The following PARD3 variants were observed in gnomAD, a reference collection of about 807,000 sequenced individuals.
PARD3 encodes the protein par-3 family cell polarity regulator, also known as partitioning defective 3 homolog.
PARD3 carries 75 observed loss-of-function variants against 155.4 expected under a neutral mutation model. The ratio of observed to expected loss-of-function variants is 0.48; its 90% CI spans 0.40 to 0.58. PARD3 has a LOEUF of 0.58. Ranked by LOEUF, PARD3 falls within the 20% of genes least tolerant of loss-of-function variation. The pLI is 0.00. For synonymous variants in PARD3, 576 were observed against 610.5 expected (o/e 0.94, Z 0.83); for missense variants, 1,642 against 1,721.7 (o/e 0.95, Z 0.82).
chr10:34,773,668 T>C (rs987076626), intron 1 of PARD3, among the ~76,000 whole-genome samples: 3 of 152,198 alleles, frequency 2.0e-5, no homozygotes, highest in Non-Finnish European at 4.4e-5. Context: ...GGATATAGGA[T>C]AATATTTTAA....
chr10:34,465,404 C>T (rs139605726), intron 4 of PARD3, among the ~76,000 whole-genome samples: 274 of 152,234 alleles, frequency 1.8e-3, no homozygotes, highest in African/African-American at 6.3e-3. Context: ...AAACATCTCA[C>T]CCTTCTAATA....
intron 20 of PARD3, among the ~76,000 whole-genome samples, chr10:34,287,049 G>A (rs184773524): frequency 2.0e-5 from 3 of 152,176 alleles, no homozygotes; most frequent in Admixed American, 6.5e-5. Flanking sequence ...AAAAGGTTTG[G>A]AGGACTTGGG....
chr10:34,331,344 C>G lies in PARD3; in HGVS notation c.2606G>C (p.Gly869Ala). Residue 869 changes from glycine (G) to alanine (A), a missense_variant and splice_region_variant, in exon 19 of 25, where the codon GGT (glycine) becomes GCT (alanine). Around this residue, in one of 3 missense-constraint regions of PARD3, gnomAD observed 1,529 missense variants for 1,587.3 expected, o/e 0.96. Transcript: ENST00000374788. The part of the protein sequence containing the change: ...KLNTVDDQKA[G>A]SPSRDVGPSL... ...AGGACCCACATCTCTGCTGGGAGAA[C>G]CTGGGAGGTTTACAAGAAAAAAAAT... The G allele has an allele frequency of 6.2e-7, 1 of 1,606,428 alleles. No homozygotes were observed. The highest frequency in any genetic ancestry group is 8.5e-7 in the Non-Finnish European group (1 of 1,173,572).
intron 2 of PARD3, among the ~76,000 whole-genome samples, chr10:34,552,490 C>T (rs189147303): frequency 0.013 from 1,951 of 152,272 alleles, 50 homozygotes; most frequent in African/African-American, 0.044. Flanking sequence ...GGTGGATCAC[C>T]TGAGGTCAGG....
intron 2 of PARD3, among the ~76,000 whole-genome samples, chr10:34,640,191 C>G (rs1187429378): frequency 6.6e-6 from 1 of 152,210 alleles, no homozygotes; most frequent in Non-Finnish European, 1.5e-5. Flanking sequence ...CACAGCACAC[C>G]TGCCCCATCC....
chr10:34,324,568 C>G (rs189253308), intron 19 of PARD3, among the ~76,000 whole-genome samples: 2 of 152,234 alleles, frequency 1.3e-5, no homozygotes, highest in Admixed American at 1.3e-4. Flanking sequence ...TCACTGGGCA[C>G]ATCTAGAGAC....
chr10:34,639,494 G>A (rs1303529180), intron 2 of PARD3, among the ~76,000 whole-genome samples: 4 of 152,218 alleles, frequency 2.6e-5, no homozygotes, highest in Admixed American at 6.5e-5. Context: ...GTGTGGTGGA[G>A]GATGAGAATC....
At position 34,303,622 on chromosome 10, in the gene PARD3, G is replaced by GTT. The variant is rs372510801; in HGVS notation, c.3065+13483_3065+13484dup. Reference sequence around the variant, plus strand: ...TATAAGAGCAGGAATTCGATAAGATGTTTTTTTTTTTCCTCTACAATCTTC... The same window carrying GTT: ...TATAAGAGCAGGAATTCGATAAGATGTTTTTTTTTTTTTCCTCTACAATCTTC... On this transcript the variant is annotated intron_variant, in intron 20 of 24. Coordinates refer to ENST00000374788, the MANE Select transcript of PARD3 (RefSeq NM_001184785.2). Among the ~76,000 whole-genome samples the GTT allele has an allele frequency of 6.1e-5, 9 of 148,716 alleles. No homozygotes were observed. In the South Asian group the frequency reaches 8.5e-4, roughly 14 times the overall value.
At chr10:34,257,441 C>T (rs527767845) in intron 22 of PARD3, among the ~76,000 whole-genome samples, 1 of 152,268 alleles carries the variant, frequency 6.6e-6, no homozygotes, top group South Asian at 2.1e-4. Context: ...AGTTATCGTG[C>T]CAAATTGCAC....
intron 2 of PARD3, among the ~76,000 whole-genome samples, chr10:34,529,124 G>T (rs773996854): frequency 1.3e-5 from 2 of 152,134 alleles, no homozygotes; most frequent in Non-Finnish European, 2.9e-5. Context: ...ACTGGAGATG[G>T]GAGTCCATGG....
chr10:34,610,188 G>A (rs2090776967), intron 2 of PARD3, among the ~76,000 whole-genome samples: 1 of 152,026 alleles, frequency 6.6e-6, no homozygotes, highest in South Asian at 2.1e-4. Context: ...TATCGGCTAG[G>A]GCATGTGGCA....
rs1329969304 is a variant in PARD3 at position 34,450,458 on chromosome 10, A to T, written c.583-10T>A. On this transcript the variant is annotated splice_polypyrimidine_tract_variant and intron_variant, in intron 4 of 24. Transcript: ENST00000374788. ...TGTAGTTTTCATCTTTCTATTCAAA[A>T]AGAAACAAAAAGGTGTCTTGTAAAA... is the stretch of plus-strand genomic sequence containing the variant. 1 of 1,601,186 alleles carries T rather than the reference A, an allele frequency of 6.2e-7. No homozygotes were observed.
In PARD3 at chr10:34,504,986, C is replaced by T. The variant is rs552851004; in HGVS notation, c.403+11993G>A. 2.0e-5 allele frequency among the ~76,000 whole-genome samples: 3 copies of T among 152,174 alleles called. No homozygotes were observed. The South Asian group carries it at 6.2e-4, about 32-fold the overall frequency. ...ACAATATGGGTCTCTGTGTGACATG[C>T]ACCAACAGAAAAACGAACCCAAGTA... On this transcript the variant is annotated intron_variant, in intron 3 of 24. Transcript: ENST00000374788.
intron 22 of PARD3, among the ~76,000 whole-genome samples, chr10:34,135,412 G>C (rs1407160624): frequency 6.6e-6 from 1 of 152,180 alleles, no homozygotes; most frequent in Non-Finnish European, 1.5e-5. Flanking sequence ...AGGGTACCTA[G>C]GATCACACAC....
intron 2 of PARD3, among the ~76,000 whole-genome samples, chr10:34,655,604 C>T (rs1385897376): frequency 6.6e-6 from 1 of 152,144 alleles, no homozygotes; most frequent in African/African-American, 2.4e-5. Context: ...TCTCTACCAA[C>T]CCCGCAGAAG....
chr10:34,687,207 TG>T (rs2093966450), intron 2 of PARD3, among the ~76,000 whole-genome samples: 1 of 152,194 alleles, frequency 6.6e-6, no homozygotes, highest in Non-Finnish European at 1.5e-5. Context: ...AAATGCCTAA[TG>T]GGGCAGTAAT....
At chr10:34,590,505 T>C (rs193197796) in intron 2 of PARD3, among the ~76,000 whole-genome samples, 32 of 152,250 alleles carry the variant, frequency 2.1e-4, no homozygotes, top group South Asian at 6.2e-4. Flanking sequence ...CATAGTAAAA[T>C]TGTTACTTAT....
chr10:34,228,413 GA>G (rs1394946251), intron 22 of PARD3, among the ~76,000 whole-genome samples: 1 of 151,802 alleles, frequency 6.6e-6, no homozygotes, highest in Non-Finnish European at 1.5e-5. Flanking sequence ...AAAGCTGGAA[GA>G]AAAATAAAAA....
chr10:34,345,885 T>C, intron 15 of PARD3: 7 of 985,368 alleles, frequency 7.1e-6, no homozygotes, highest in Non-Finnish European at 8.4e-6. Flanking sequence ...AAGTGAGGAA[T>C]TTTCAAATTT....
Sources: allele counts gnomAD v4.1 joint callset (sites outside exome capture counted in the v4.1 genomes callset), GRCh38; gene constraint gnomAD v4.1.1; regional missense constraint gnomAD v4.1.1; transcripts MANE v1.5; gene names NCBI Gene and HGNC (gene_info 2026-07-23, HGNC 2026-07-21).